The following PXDN variants were observed in gnomAD, a reference collection of about 807,000 sequenced individuals.
PXDN encodes the protein peroxidasin homolog.
A neutral mutation model predicts 140.3 loss-of-function variants in PXDN; 77 were observed. That is an observed-to-expected ratio of 0.55 (90% CI 0.46 to 0.66). The LOEUF (loss-of-function observed/expected upper bound fraction) is 0.66, where lower values mean the gene tolerates loss of function less well. PXDN is among the 30% of genes least tolerant of loss of function. The pLI, the probability that PXDN is intolerant of heterozygous loss-of-function variation, is 0.00. For synonymous variants in PXDN, 911 were observed against 857.4 expected (o/e 1.06, Z -1.09); for missense variants, 1,838 against 2,039.5 (o/e 0.90, Z 1.90).
intron 1 of PXDN, among the ~76,000 whole-genome samples, chr2:1,741,410 G>A (rs1006121507): frequency 6.6e-6 from 1 of 152,106 alleles, no homozygotes; most frequent in Non-Finnish European, 1.5e-5. Flanking sequence ...AGGCCAAACC[G>A]CCGACCGAGC....
intron 16 of PXDN, among the ~76,000 whole-genome samples, chr2:1,652,335 A>G (rs1196486489): frequency 2.0e-5 from 3 of 152,178 alleles, no homozygotes; most frequent in African/African-American, 7.2e-5. Context: ...TCTCTGGAGA[A>G]GAGAACATGG....
chr2:1,730,846 T>C (rs1685296296), intron 1 of PXDN, among the ~76,000 whole-genome samples: 1 of 151,876 alleles, frequency 6.6e-6, no homozygotes, highest in Admixed American at 6.6e-5. Context: ...TTCCAGTCGC[T>C]GAAACCATTC....
intron 14 of PXDN, 51 bp from the exon 15 acceptor site, chr2:1,654,559 T>C: frequency 1.6e-6 from 2 of 1,241,518 alleles, no homozygotes; most frequent in Non-Finnish European, 2.4e-6. Context: ...GCACAATTAC[T>C]CATAAAATGA....
intron 1 of PXDN, among the ~76,000 whole-genome samples, chr2:1,717,259 T>G (rs890812375): frequency 1.3e-5 from 2 of 152,166 alleles, no homozygotes; most frequent in Non-Finnish European, 2.9e-5. Context: ...AACAATAGAT[T>G]AATGCCTAAA....
At chr2:1,710,996 A>T (rs62649808) in intron 1 of PXDN, among the ~76,000 whole-genome samples, 4 of 21,362 alleles carry the variant, frequency 1.9e-4, no homozygotes, top group Admixed American at 7.4e-4. Flanking sequence ...ACCAGCACCC[A>T]CTCCACCAGC....
intron 1 of PXDN, among the ~76,000 whole-genome samples, chr2:1,718,625 C>G (rs2125476951): frequency 6.6e-6 from 1 of 152,366 alleles, no homozygotes; most frequent in African/African-American, 2.4e-5. Flanking sequence ...TTAACCTACT[C>G]CACTAACCTA....
chr2:1,658,025 G>C (rs7584015), intron 14 of PXDN, among the ~76,000 whole-genome samples: 22,142 of 101,578 alleles, frequency 0.22, 2,731 homozygotes, highest in East Asian at 0.31. Flanking sequence ...TTTCAGCTGT[G>C]GGCTCTCTCT....
chr2:1,665,147 AC>A, intron 10 of PXDN, 73 bp from the exon 11 acceptor site: 4 of 1,142,870 alleles, frequency 3.5e-6, no homozygotes, highest in South Asian at 1.3e-5. Context: ...CAAGAAAATG[AC>A]CACAGTCTTG....
rs1684855820 is a variant in PXDN, at chr2:1,714,650, G to A, written c.201-21516C>T. Among the ~76,000 whole-genome samples, 3 of 152,156 alleles carry A rather than the reference G, an allele frequency of 2.0e-5. No individual in the cohort carries two copies. The highest frequency in any genetic ancestry group is 4.1e-4 in the South Asian group (2 of 4,826). ...GCAGGAATGCGGCCACAGAAGAGGC[G>A]ACCCGGTGGCTGTGGCCAAGCTCCG... On this transcript the variant is annotated intron_variant, in intron 1 of 22. Transcript: ENST00000252804. The surrounding 1 kb of genome is among the most constrained non-coding windows in gnomAD (Gnocchi z 4.3).
At chr2:1,721,769 G>C (rs1685058774) in intron 1 of PXDN, among the ~76,000 whole-genome samples, 1 of 152,124 alleles carries the variant, frequency 6.6e-6, no homozygotes, top group Admixed American at 6.5e-5. Context: ...GGAGCTTGCA[G>C]TGCCACTGCA....
Position 1,663,771 on chromosome 2 carries a change from G to C in PXDN, c.1409-8C>G. Reference sequence around the variant, plus strand: ...CCACGGAGAGCTGGCTCCCTGCAAGGGCATGGGCCCGTTACACTGGACACT... The same window carrying C: ...CCACGGAGAGCTGGCTCCCTGCAAGCGCATGGGCCCGTTACACTGGACACT... On this transcript the variant is annotated splice_polypyrimidine_tract_variant and splice_region_variant and intron_variant, in intron 11 of 22. Transcript: ENST00000252804. The C allele has an allele frequency of 1.2e-6, 2 of 1,611,164 alleles. No homozygotes were observed. Among genetic ancestry groups the C allele is most frequent in the Non-Finnish European group, 8.5e-7 (1 of 1,179,744 alleles).
chr2:1,664,921 G>T, intron 11 of PXDN, 37 bp downstream of exon 11: 1 of 1,493,302 alleles, frequency 6.7e-7, no homozygotes, highest in Non-Finnish European at 9.2e-7. Context: ...GTCTGTGGCC[G>T]CGGAGGGAGC....
chr2:1,646,799 T>C (rs1459390694), intron 17 of PXDN, among the ~76,000 whole-genome samples: 1 of 152,216 alleles, frequency 6.6e-6, no homozygotes, highest in Non-Finnish European at 1.5e-5. Context: ...TGAATGGGAA[T>C]AACATCTCCT....
Position 1,705,847 on chromosome 2 carries a change from C to T in PXDN, c.201-12713G>A, listed in dbSNP as rs945901150. Among the ~76,000 whole-genome samples, 13 of 151,980 alleles carry T rather than the reference C, an allele frequency of 8.6e-5. No homozygotes were observed. The South Asian group carries it at 1.2e-3, about 15-fold the overall frequency. ...GACCTGGGACGCAGGGTGCAGGGCA[C>T]GGCTGCCCACGACCTGGGACGCGTG... On this transcript the variant is annotated intron_variant, in intron 1 of 22. Coordinates refer to ENST00000252804, the MANE Select transcript of PXDN (RefSeq NM_012293.3).
Position 1,744,427 on chromosome 2 carries a change from C to T in PXDN, c.29G>A (p.Arg10His), listed in dbSNP as rs768409551. Residue 10 changes from arginine (R) to histidine (H), a missense_variant, in exon 1 of 23, where the codon CGC (arginine) becomes CAC (histidine). This residue lies in a region of PXDN where 231 missense variants were observed against 201.5 expected (regional missense o/e 1.15). Transcript: ENST00000252804. The stretch of plus-strand genomic sequence containing the variant: ...CAGCACGAGCGCCAACAGGCAGCGG[C>T]GCCCGGGGCCCCTGGAGCGCTTGGC... The part of the protein sequence containing the change: MAKRSRGPG[R>H]RCLLALVLFC... 5.6e-5 allele frequency: 85 copies of T among 1,505,746 alleles called. No individual in the cohort carries two copies. Among genetic ancestry groups the T allele is most frequent in the Non-Finnish European group, 7.2e-5 (82 of 1,134,542 alleles). 93.3% of individuals were successfully genotyped at this position (1,505,746 alleles called of 1,614,324 possible).
At chr2:1,723,859 A>G (rs1685112089) in intron 1 of PXDN, among the ~76,000 whole-genome samples, 1 of 152,228 alleles carries the variant, frequency 6.6e-6, no homozygotes, top group South Asian at 2.1e-4. Context: ...ATGCCAATAC[A>G]AACATCCCAC....
At chr2:1,692,822 G>A (rs1287117791) in intron 2 of PXDN, among the ~76,000 whole-genome samples, 2 of 152,132 alleles carry the variant, frequency 1.3e-5, no homozygotes, top group Non-Finnish European at 2.9e-5. Flanking sequence ...CAAGCTTAGC[G>A]GTCAGCATGG....
rs1164542398 is a variant in PXDN at position 1,703,166 on chromosome 2, A to G, written c.201-10032T>C. 4.2e-4 allele frequency among the ~76,000 whole-genome samples: 19 copies of G among 45,462 alleles called. 1 individual carries two copies. Among genetic ancestry groups the G allele is most frequent in the African/African-American group, 1.3e-3 (13 of 9,634 alleles). 29.8% of individuals were successfully genotyped at this position (45,462 alleles called of 152,430 possible). Reference sequence around the variant, plus strand: ...GACAGCTCCAGGTGAAGGAGGGACAACTCCAGGTGAAGCGGGGGACAACTC... The same window carrying G: ...GACAGCTCCAGGTGAAGGAGGGACAGCTCCAGGTGAAGCGGGGGACAACTC... On this transcript the variant is annotated intron_variant, in intron 1 of 22. Coordinates refer to ENST00000252804, the MANE Select transcript of PXDN (RefSeq NM_012293.3).
chr2:1,666,435 T>C lies in PXDN; in HGVS notation c.1070A>G (p.Glu357Gly). ...GGCGCTGCACTCCAGCGTGACGCTC[T>C]CCCCAACCAGCACCTCTGTATTCTG... Reference protein sequence around the residue: ...QPQNTEVLVGESVTLECSATG... With the variant: ...QPQNTEVLVGGSVTLECSATG... Residue 357 changes from glutamate (E) to glycine (G), a missense_variant, in exon 10 of 23, where the codon GAG (glutamate) becomes GGG (glycine). Coordinates refer to ENST00000252804, the MANE Select transcript of PXDN (RefSeq NM_012293.3). 6.2e-7 allele frequency: 1 copy of C among 1,612,942 alleles called. No individual in the cohort carries two copies. Among genetic ancestry groups the C allele is most frequent in the South Asian group, 1.1e-5 (1 of 90,940 alleles).
Sources: gnomAD v4.1 joint callset for allele counts (sites outside exome capture counted in the v4.1 genomes callset) on GRCh38, gnomAD v4.1.1 for gene constraint, gnomAD v4.1.1 regional missense constraint, Gnocchi (gnomAD v3.1) non-coding constraint, MANE v1.5 for transcripts, NCBI Gene and HGNC (gene_info 2026-07-23, HGNC 2026-07-21) for gene names.